Variants in NRG2 observed in about 807,000 individuals in gnomAD.
NRG2 encodes the protein neuregulin 2.
NRG2 carries 27 observed loss-of-function variants against 73.9 expected under a neutral mutation model. The observed-to-expected ratio is 0.37, with a 90% CI of 0.27 to 0.50. The LOEUF (loss-of-function observed/expected upper bound fraction) is 0.50. Among genes scored for constraint, NRG2 ranks in the 20% least tolerant of loss-of-function variants. The probability of loss-of-function intolerance (pLI) is 0.96; values close to 1 mark genes in which losing one functional copy is unlikely to be tolerated. For synonymous variants in NRG2, 532 were observed against 541.0 expected (o/e 0.98, Z 0.23); for missense variants, 1,126 against 1,210.1 (o/e 0.93, Z 1.03).
At chr5:140,013,031 T>C (rs913586453) in intron 1 of NRG2, among the ~76,000 whole-genome samples, 1 of 152,216 alleles carries the variant, frequency 6.6e-6, no homozygotes, top group Non-Finnish European at 1.5e-5. Context: ...CTCTTCTAGA[T>C]GACTACTTCA....
chr5:139,883,701 A>G (rs1262243870), intron 2 of NRG2, among the ~76,000 whole-genome samples: 1 of 152,138 alleles, frequency 6.6e-6, no homozygotes, highest in Non-Finnish European at 1.5e-5. Context: ...GTAGGTGTGC[A>G]GGTGGCCGTT....
chr5:139,859,788 C>A (rs535774857), intron 5 of NRG2: 2 of 1,274,874 alleles, frequency 1.6e-6, no homozygotes, highest in East Asian at 2.4e-5. Context: ...ATCCCTTTTC[C>A]ATTTTTTGGA....
intron 1 of NRG2, among the ~76,000 whole-genome samples, chr5:140,007,074 C>T (rs265156): frequency 0.23 from 34,471 of 151,920 alleles, 4,156 homozygotes; most frequent in African/African-American, 0.28. Context: ...TTTGTGGTAA[C>T]GGGGGAAGGT....
rs1758229297 is a variant in NRG2 at position 139,998,894 on chromosome 5, T to A, written c.700+43476A>T. Among the ~76,000 whole-genome samples, 3 of 152,118 alleles carry A rather than the reference T, an allele frequency of 2.0e-5. No homozygotes were observed. In the South Asian group the frequency reaches 6.2e-4, roughly 32 times the overall value. Reference sequence around the variant, plus strand: ...TCAAATCAGTGAAACCAAGAAGCCTTCTAAATTTCCTAGATTATAGCAGAA... The same window carrying A: ...TCAAATCAGTGAAACCAAGAAGCCTACTAAATTTCCTAGATTATAGCAGAA... On this transcript the variant is annotated intron_variant, in intron 1 of 9. Coordinates refer to ENST00000361474, the MANE Select transcript of NRG2 (RefSeq NM_004883.3).
intron 1 of NRG2, among the ~76,000 whole-genome samples, chr5:139,893,611 C>T (rs1561661390): frequency 1.3e-5 from 2 of 152,322 alleles, no homozygotes; most frequent in South Asian, 4.1e-4. Flanking sequence ...TTGGGCAGCT[C>T]TTCCTTCCCC....
intron 1 of NRG2, among the ~76,000 whole-genome samples, chr5:140,023,281 A>G (rs1169548363): frequency 6.6e-6 from 1 of 151,792 alleles, no homozygotes; most frequent in Non-Finnish European, 1.5e-5. Flanking sequence ...CTCTACCCCA[A>G]CCATGCTAAT....
chr5:139,972,851 T>A (rs1470109343), intron 1 of NRG2, among the ~76,000 whole-genome samples: 4 of 152,068 alleles, frequency 2.6e-5, no homozygotes, highest in Non-Finnish European at 4.4e-5. Flanking sequence ...AAAAGATAAA[T>A]ACCTCAACAG....
At chr5:139,903,539 C>T (rs1015032073) in intron 1 of NRG2, among the ~76,000 whole-genome samples, 38 of 152,320 alleles carry the variant, frequency 2.5e-4, no homozygotes, top group African/African-American at 9.1e-4. Flanking sequence ...ATGCCCCGGG[C>T]CGCCTCTGAG....
intron 1 of NRG2, among the ~76,000 whole-genome samples, chr5:139,924,858 G>A (rs1000373436): frequency 6.6e-5 from 10 of 152,202 alleles, no homozygotes; most frequent in African/African-American, 2.2e-4. Context: ...CTCACTTGGA[G>A]CCTGGATCTG....
At chr5:139,941,157 A>T (rs1229100764) in intron 1 of NRG2, among the ~76,000 whole-genome samples, 2 of 152,208 alleles carry the variant, frequency 1.3e-5, no homozygotes, top group Non-Finnish European at 2.9e-5. Context: ...CTGGGTTTTC[A>T]TCTTGTGAGC....
chr5:139,962,062 T>C (rs1755111548), intron 1 of NRG2, among the ~76,000 whole-genome samples: 1 of 152,078 alleles, frequency 6.6e-6, no homozygotes, highest in South Asian at 2.1e-4. Flanking sequence ...CACACAGTGG[T>C]CACCTGATTG....
chr5:139,852,384 A>G lies in NRG2; in HGVS notation c.1544+48T>C. ...GGAGTAAGTGGGCACTTTGCGCCAG[A>G]TGAAGTATGTGAGTCTACAAGTTTC... On this transcript the variant is annotated intron_variant, in intron 8 of 9. Transcript: ENST00000361474. This position sits in a 1 kb window ranked among gnomAD's most constrained non-coding sequence, Gnocchi z 4.4. The G allele has an allele frequency of 6.3e-7, 1 of 1,594,056 alleles. No individual in the cohort carries two copies. Among genetic ancestry groups the G allele is most frequent in the Non-Finnish European group, 8.5e-7 (1 of 1,170,450 alleles).
At chr5:139,878,513 A>C (rs967118842) in intron 3 of NRG2, among the ~76,000 whole-genome samples, 4 of 152,226 alleles carry the variant, frequency 2.6e-5, no homozygotes, top group Non-Finnish European at 5.9e-5. Flanking sequence ...GAATGAGGCC[A>C]ACACATAGTG....
At chr5:139,995,905 A>G (rs970504817) in intron 1 of NRG2, among the ~76,000 whole-genome samples, 4 of 152,200 alleles carry the variant, frequency 2.6e-5, no homozygotes, top group Non-Finnish European at 5.9e-5. Flanking sequence ...AGTCCTAGGT[A>G]CTCAGGAGGC....
In NRG2 at chr5:139,954,777, C is replaced by T. The variant is rs749949457; in HGVS notation, c.701-67266G>A. Among the ~76,000 whole-genome samples the T allele has an allele frequency of 3.9e-5, 6 of 152,174 alleles. No individual in the cohort carries two copies. The highest frequency in any genetic ancestry group is 9.7e-5 in the African/African-American group (4 of 41,444). ...TTATTCCCCTTTTACATTCCACTCA[C>T]CTGTGAAATTGGGAGAGTAATAATG... is the stretch of plus-strand genomic sequence containing the variant. On this transcript the variant is annotated intron_variant, in intron 1 of 9. Transcript: ENST00000361474. The surrounding 1 kb of genome is among the most constrained non-coding windows in gnomAD (Gnocchi z 5.0).
chr5:139,932,949 A>G (rs1050520499), intron 1 of NRG2, among the ~76,000 whole-genome samples: 2 of 152,212 alleles, frequency 1.3e-5, no homozygotes, highest in African/African-American at 4.8e-5. Flanking sequence ...TCTGACTCCA[A>G]TTAAAAGGCA....
intron 1 of NRG2, among the ~76,000 whole-genome samples, chr5:139,948,674 T>C (rs909037595): frequency 6.6e-6 from 1 of 152,260 alleles, no homozygotes; most frequent in Non-Finnish European, 1.5e-5. Flanking sequence ...TGAATGGTTT[T>C]AAGCAGTATA....
rs1158084269 is a variant in NRG2 at position 139,848,218 on chromosome 5, A to G, written c.2252T>C (p.Leu751Pro). 5 of 1,228,266 alleles carry G rather than the reference A, an allele frequency of 4.1e-6. No individual in the cohort carries two copies. Among genetic ancestry groups the G allele is most frequent in the Non-Finnish European group, 5.1e-6 (5 of 987,252 alleles). The allele number at this position is 1,228,266 out of a possible 1,614,324, so 76.1% of individuals were successfully genotyped here. A position where few individuals can be genotyped will look rare whatever the true frequency, so the allele number is the denominator to read the frequency against. Residue 751 changes from leucine (L) to proline (P), a missense_variant, in exon 10 of 10, where the codon CTG (leucine) becomes CCG (proline). This residue lies in a region of NRG2 where 402 missense variants were observed against 357.8 expected (regional missense o/e 1.12). Coordinates refer to ENST00000361474, the MANE Select transcript of NRG2 (RefSeq NM_004883.3). ...RRWRRSRLNG[L>P]AAQRARAARD... ...CGCCGCCCGTGCGCGCTGCGCCGCC[A>G]GCCCGTTGAGGCGCGAGCGGCGCCA...
intron 1 of NRG2, among the ~76,000 whole-genome samples, chr5:139,936,986 G>C (rs1402067813): frequency 6.6e-6 from 1 of 152,142 alleles, no homozygotes; most frequent in Non-Finnish European, 1.5e-5. Flanking sequence ...ATTTTTAGTA[G>C]AGACAGGGTT....
Sources: allele counts gnomAD v4.1 joint callset (sites outside exome capture counted in the v4.1 genomes callset), GRCh38; gene constraint gnomAD v4.1.1; regional missense constraint gnomAD v4.1.1; non-coding constraint Gnocchi (gnomAD v3.1); transcripts MANE v1.5; gene names NCBI Gene and HGNC (gene_info 2026-07-23, HGNC 2026-07-21).